The following WDR83 variants were observed in gnomAD, a reference collection of about 807,000 sequenced individuals.
WDR83 encodes the protein WD repeat domain-containing protein 83.
WDR83 carries 37 observed loss-of-function variants against 37.7 expected under a neutral mutation model. That is an observed-to-expected ratio of 0.98 (90% CI 0.76 to 1.29). WDR83 has a LOEUF of 1.29. Ranked by LOEUF, WDR83 falls within the 50% of genes most tolerant of loss-of-function variation. The pLI, the probability that WDR83 is intolerant of heterozygous loss-of-function variation, is 0.00. For missense variants in WDR83, 445 were observed against 414.4 expected (o/e 1.07, Z -0.64); for synonymous variants, 174 against 181.1 (o/e 0.96, Z 0.31).
rs1366019408 is a variant in WDR83 at position 12,668,564 on chromosome 19, G to A, written c.-100G>A. ...GCTTCGTGTCCTCCGAGCTCCGAGA[G>A]TTGGCAAAGCTGATGAAGGAGCAGT... On this transcript the variant is annotated 5_prime_UTR_variant, in exon 2 of 11. Transcript: ENST00000418543. 1 of 1,614,156 alleles carries A rather than the reference G, an allele frequency of 6.2e-7. No homozygotes were observed. The highest frequency in any genetic ancestry group is 8.5e-7 in the Non-Finnish European group (1 of 1,180,024).
chr19:12,668,799 C>T (rs2024328114), intron 2 of WDR83, among the ~76,000 whole-genome samples, 172 bp downstream of exon 2: 1 of 152,180 alleles, frequency 6.6e-6, no homozygotes, highest in Non-Finnish European at 1.5e-5. Flanking sequence ...GTTTCTAGTC[C>T]TACTGTCTGG....
Position 12,669,796 on chromosome 19 carries a change from T to A in WDR83, c.6T>A (p.Ala2=), listed in dbSNP as rs754641803. M[A]FPEPKPRPPE... The stretch of plus-strand genomic sequence containing the variant: ...AAGGAAGGAGTCCTGGGAGCATGGC[T>A]TTCCCTGAGCCAAAGCCGCGGCCTC... Residue 2 remains alanine (A), a synonymous_variant, in exon 3 of 11, where the codon GCT becomes GCA. Coordinates refer to ENST00000418543, the MANE Select transcript of WDR83 (RefSeq NM_001099737.3). 2 of 1,604,786 alleles carry A rather than the reference T, an allele frequency of 1.2e-6. No homozygotes were observed. The highest frequency in any genetic ancestry group is 2.2e-5 in the South Asian group (2 of 89,948).
intron 1 of WDR83, among the ~76,000 whole-genome samples, chr19:12,667,761 T>C (rs2024293853): frequency 1.3e-5 from 2 of 151,992 alleles, no homozygotes; most frequent in Non-Finnish European, 2.9e-5. Context: ...AGTTTGAGGC[T>C]GCAGTGAACA....
Position 12,670,207 on chromosome 19 carries a change from C to T in WDR83, c.252C>T (p.Ser84=), listed in dbSNP as rs754084974. 1 of 1,614,092 alleles carries T rather than the reference C, an allele frequency of 6.2e-7. No individual in the cohort carries two copies. The highest frequency in any genetic ancestry group is 2.2e-5 in the East Asian group (1 of 44,880). ...CCTTTGACAACAGTAGTCTCTGCTCCGGCGGCGGGGACAAGGCGGTGGTTC... is the reference window on the plus strand; with the variant it reads ...CCTTTGACAACAGTAGTCTCTGCTCTGGCGGCGGGGACAAGGCGGTGGTTC... The part of the protein sequence containing the change: ...AGSFDNSSLC[S]GGGDKAVVLW... Residue 84 remains serine, a synonymous_variant, in exon 5 of 11, where the codon TCC becomes TCT. Coordinates refer to ENST00000418543, the MANE Select transcript of WDR83 (RefSeq NM_001099737.3).
At chr19:12,670,460 C>T (rs1007362557) in intron 5 of WDR83, 103 bp from the exon 6 acceptor site, 11 of 1,578,262 alleles carry the variant, frequency 7.0e-6, no homozygotes, top group Admixed American at 5.1e-5. Flanking sequence ...CCCCCAAAAC[C>T]TTTCACCTCC....
At chr19:12,672,693 G>A (rs1363287700) in intron 7 of WDR83, 154 bp from the exon 8 acceptor site, 22 of 718,602 alleles carry the variant, frequency 3.1e-5, no homozygotes, top group South Asian at 8.4e-5. Context: ...GGAGTAGGAC[G>A]TAATTGGCCC....
In WDR83 at chr19:12,675,071, G is replaced by A. The variant is rs546097686; in HGVS notation, c.799-452G>A. Reference sequence around the variant, plus strand: ...GGAGGTTGCAGTGAGCCCAGATGGCGCCACTGCACTCCAGCCTGGCGACAG... The same window carrying A: ...GGAGGTTGCAGTGAGCCCAGATGGCACCACTGCACTCCAGCCTGGCGACAG... On this transcript the variant is annotated intron_variant, in intron 10 of 10. Transcript: ENST00000418543. Among the ~76,000 whole-genome samples the A allele has an allele frequency of 1.3e-4, 19 of 151,098 alleles. No individual in the cohort carries two copies. The East Asian group carries it at 2.2e-3, about 17-fold the overall frequency.
chr19:12,668,050 ACTGAACAGAAGAGG>A (rs1447606291), intron 1 of WDR83: 1 of 328,598 alleles, frequency 3.0e-6, no homozygotes, highest in African/African-American at 2.1e-5. Context: ...GGAACACCCC[ACTGAACAGAAGAGG>A]CTGACAGCCA....
At chr19:12,669,948 C>T in intron 3 of WDR83, 29 bp from the exon 4 acceptor site, 1 of 1,603,542 alleles carries the variant, frequency 6.2e-7, no homozygotes. Flanking sequence ...AGATCGACGG[C>T]CCAGTAACCC....
chr19:12,670,168 C>T lies in WDR83; in HGVS notation c.225-12C>T, dbSNP rs1568312584. 3 of 1,612,772 alleles carry T rather than the reference C, an allele frequency of 1.9e-6. No individual in the cohort carries two copies. The highest frequency in any genetic ancestry group is 2.5e-6 in the Non-Finnish European group (3 of 1,179,214). On this transcript the variant is annotated splice_polypyrimidine_tract_variant and intron_variant, in intron 4 of 10. Transcript: ENST00000418543. ...CGAGGTCGATGCTGATCCTCCTCCT[C>T]CTTTACTCCAGCTCCTTTGACAACA...
intron 4 of WDR83, 33 bp downstream of exon 4, chr19:12,670,130 T>C (rs370735079): frequency 2.3e-5 from 37 of 1,606,776 alleles, no homozygotes; most frequent in Middle Eastern, 1.7e-4. Flanking sequence ...ATGGGAGCGC[T>C]GAGGCTGGGA....
At chr19:12,672,067 AGAG>A (rs1397007690) in intron 7 of WDR83, among the ~76,000 whole-genome samples, 19 of 152,192 alleles carry the variant, frequency 1.2e-4, no homozygotes, top group Admixed American at 9.2e-4. Context: ...TTGAGAAAGC[AGAG>A]GAGGAGGAAG....
rs770548568 is a variant in WDR83 at position 12,670,594 on chromosome 19, CCA to C, written c.365_366del (p.Thr122SerfsTer8). ...AACACGGTGCAGTTTAATGAAGAGGCCACAGTTATCCTGTCCGGTGAGTCTGG... is the reference window on the plus strand; with the variant it reads ...AACACGGTGCAGTTTAATGAAGAGGCCAGTTATCCTGTCCGGTGAGTCTGG... On this transcript the variant is annotated frameshift_variant, in exon 6 of 11. Coordinates refer to ENST00000418543, the MANE Select transcript of WDR83 (RefSeq NM_001099737.3). LOFTEE classifies it high-confidence loss of function. 1.9e-6 allele frequency: 3 copies of C among 1,614,252 alleles called. No individual in the cohort carries two copies. The highest frequency in any genetic ancestry group is 2.5e-6 in the Non-Finnish European group (3 of 1,180,046).
At chr19:12,670,151 A>T (rs768560951) in intron 4 of WDR83, 29 bp from the exon 5 acceptor site, 1 of 1,609,536 alleles carries the variant, frequency 6.2e-7, no homozygotes, top group African/African-American at 1.3e-5. Flanking sequence ...TCCGAGGTCG[A>T]TGCTGATCCT....
chr19:12,668,639 G>C lies in WDR83; in HGVS notation c.-37+12G>C, dbSNP rs370575057. On this transcript the variant is annotated intron_variant, in intron 2 of 10. Coordinates refer to ENST00000418543, the MANE Select transcript of WDR83 (RefSeq NM_001099737.3). ...TCAGCTAGGGAAAGGTAAGTGGGTG[G>C]GCAGGTTAGTGAAAGGCACAACAAT... is the stretch of plus-strand genomic sequence containing the variant. 5.6e-6 allele frequency: 9 copies of C among 1,608,098 alleles called. No individual in the cohort carries two copies. The highest frequency in any genetic ancestry group is 7.7e-6 in the Non-Finnish European group (9 of 1,175,514).
rs751233602 is a variant in WDR83, at chr19:12,669,794, G to A, written c.4G>A (p.Ala2Thr). 2.5e-6 allele frequency: 4 copies of A among 1,603,752 alleles called. No individual in the cohort carries two copies. Among genetic ancestry groups the A allele is most frequent in the Admixed American group, 1.7e-5 (1 of 58,100 alleles). Residue 2 changes from alanine (A) to threonine (T), a missense_variant, in exon 3 of 11, where the codon GCT (alanine) becomes ACT (threonine). Coordinates refer to ENST00000418543, the MANE Select transcript of WDR83 (RefSeq NM_001099737.3). The stretch of plus-strand genomic sequence containing the variant: ...GCAAGGAAGGAGTCCTGGGAGCATG[G>A]CTTTCCCTGAGCCAAAGCCGCGGCC... M[A>T]FPEPKPRPPE... is the part of the protein sequence containing the mutation.
chr19:12,672,740 A>T, intron 7 of WDR83, 107 bp from the exon 8 acceptor site: 1 of 1,166,412 alleles, frequency 8.6e-7, no homozygotes, highest in Non-Finnish European at 1.2e-6. Context: ...TCAGAATTCC[A>T]CTCCTGTGCA....
chr19:12,671,983 A>T (rs1239750130), intron 7 of WDR83, among the ~76,000 whole-genome samples: 1 of 152,190 alleles, frequency 6.6e-6, no homozygotes, highest in Non-Finnish European at 1.5e-5. Flanking sequence ...GGCGTGAGCC[A>T]CCGCGCCTGG....
Position 12,675,799 on chromosome 19 carries a change from A to T in WDR83, c.*127A>T. ...AGGGGCTGGGTCTGCAAATTAATAA[A>T]TAGAAGAGGGGGTAAGACCTTCCTG... is the stretch of plus-strand genomic sequence containing the variant. On this transcript the variant is annotated 3_prime_UTR_variant, in exon 11 of 11. Coordinates refer to ENST00000418543, the MANE Select transcript of WDR83 (RefSeq NM_001099737.3). 1 of 1,569,996 alleles carries T rather than the reference A, an allele frequency of 6.4e-7. No individual in the cohort carries two copies. Among genetic ancestry groups the T allele is most frequent in the Non-Finnish European group, 8.7e-7 (1 of 1,155,688 alleles).
Sources: gnomAD v4.1 joint callset for allele counts (sites outside exome capture counted in the v4.1 genomes callset) on GRCh38, gnomAD v4.1.1 for gene constraint, MANE v1.5 for transcripts, NCBI Gene and HGNC (gene_info 2026-07-23, HGNC 2026-07-21) for gene names.